Variants in CSPP1 observed in about 807,000 individuals in gnomAD.
CSPP1 encodes the protein centrosome and spindle pole-associated protein 1.
A neutral mutation model predicts 164.4 loss-of-function variants in CSPP1; 126 were observed. The observed-to-expected ratio is 0.77, with a 90% CI of 0.66 to 0.89. The LOEUF (loss-of-function observed/expected upper bound fraction) is 0.89, where lower values mean the gene tolerates loss of function less well. Ranked by LOEUF, CSPP1 falls within the 40% of genes least tolerant of loss-of-function variation. The pLI is 0.00. For synonymous variants in CSPP1, 472 were observed against 476.7 expected (o/e 0.99, Z 0.13); for missense variants, 1,395 against 1,449.8 (o/e 0.96, Z 0.61).
At chr8:67,092,306 A>G (rs184024239) in intron 5 of CSPP1, among the ~76,000 whole-genome samples, 126 of 152,368 alleles carry the variant, frequency 8.3e-4, no homozygotes, top group African/African-American at 2.1e-3. Context: ...ATACACGTCC[A>G]TATTCCTTAG....
chr8:67,108,009 TGGCTCAGAATA>T (rs1815983460), intron 9 of CSPP1, among the ~76,000 whole-genome samples: 12 of 99,528 alleles, frequency 1.2e-4, no homozygotes, highest in African/African-American at 4.3e-4. Context: ...TTTGTTTGGG[TGGCTCAGAATA>T]TAGTCTGTCT....
At chr8:67,191,202 C>A (rs545181762) in intron 29 of CSPP1, among the ~76,000 whole-genome samples, 21 of 152,346 alleles carry the variant, frequency 1.4e-4, no homozygotes, top group African/African-American at 5.1e-4. Context: ...TGCTCCCCAG[C>A]TTTACAATAT....
At chr8:67,084,017 A>G (rs1809868702) in intron 3 of CSPP1, 1 of 152,194 alleles carries the variant, frequency 6.6e-6, no homozygotes, top group Admixed American at 6.6e-5. Flanking sequence ...ATAAAATTGA[A>G]TAGCGCATGG....
chr8:67,093,733 C>CT (rs1204626657), intron 6 of CSPP1, 92 bp downstream of exon 6: 46 of 706,214 alleles, frequency 6.5e-5, no homozygotes, highest in South Asian at 2.2e-4. Context: ...AGACATTTTA[C>CT]TTTTTTTTGT....
Position 67,193,492 on chromosome 8 carries a change from A to G in CSPP1, c.3359A>G (p.Asp1120Gly), listed in dbSNP as rs1837001231. Residue 1120 changes from aspartate to glycine, a missense_variant, in exon 30 of 31, where the codon GAT becomes GGT. Physicochemically the swap from Asp to Gly is moderately conservative, Grantham distance 94. Transcript: ENST00000678616. Reference sequence around the variant, plus strand: ...AGCAGTCGTCCTAATGTAGCACCAGATGGTCTCTCTCTAAAATCTATATCC... The same window carrying G: ...AGCAGTCGTCCTAATGTAGCACCAGGTGGTCTCTCTCTAAAATCTATATCC... The part of the protein sequence containing the change: ...IDSSRPNVAP[D>G]GLSLKSISSV... The G allele has an allele frequency of 1.2e-6, 2 of 1,613,548 alleles. No individual in the cohort carries two copies. The highest frequency in any genetic ancestry group is 2.2e-5 in the East Asian group (1 of 44,874).
intron 24 of CSPP1, among the ~76,000 whole-genome samples, chr8:67,165,713 C>T (rs187515784): frequency 1.8e-3 from 270 of 152,308 alleles, no homozygotes; most frequent in Non-Finnish European, 2.5e-3. Context: ...GACATCACAT[C>T]ATCACATTGT....
chr8:67,108,071 G>A (rs539748217), intron 9 of CSPP1, among the ~76,000 whole-genome samples: 1 of 148,172 alleles, frequency 6.7e-6, no homozygotes, highest in African/African-American at 2.5e-5. Context: ...TGTGCATGGT[G>A]CAGTTGTTGA....
chr8:67,104,075 G>T (rs1814798037), intron 8 of CSPP1, among the ~76,000 whole-genome samples: 1 of 151,988 alleles, frequency 6.6e-6, no homozygotes, highest in African/African-American at 2.4e-5. Context: ...CGTACATAAG[G>T]ATAAATGATT....
At chr8:67,180,369 A>G (rs1250385343) in intron 28 of CSPP1, among the ~76,000 whole-genome samples, 2 of 152,238 alleles carry the variant, frequency 1.3e-5, no homozygotes, top group South Asian at 2.1e-4. Context: ...TTCAATTTAC[A>G]TAACATTTTT....
chr8:67,156,818 A>C (rs562219373), intron 19 of CSPP1, among the ~76,000 whole-genome samples: 20 of 152,334 alleles, frequency 1.3e-4, no homozygotes, highest in Admixed American at 4.6e-4. Context: ...GACATTTTTA[A>C]CCACAGCTTT....
chr8:67,149,201 A>T (rs1181119291), intron 17 of CSPP1, among the ~76,000 whole-genome samples: 2 of 152,170 alleles, frequency 1.3e-5, no homozygotes, highest in African/African-American at 2.4e-5. Flanking sequence ...AGAGTGAATG[A>T]TCCATAGATA....
intron 27 of CSPP1, among the ~76,000 whole-genome samples, 198 bp from the exon 28 acceptor site, chr8:67,179,665 T>C (rs1377259627): frequency 5.3e-5 from 8 of 152,224 alleles, no homozygotes. Context: ...CTTCTGTTGC[T>C]ATCACCGTCT....
intron 24 of CSPP1, among the ~76,000 whole-genome samples, chr8:67,166,342 A>G (rs1829303925): frequency 6.6e-6 from 1 of 152,210 alleles, no homozygotes; most frequent in Admixed American, 6.5e-5. Flanking sequence ...AAATATAAAC[A>G]TATCTATAAT....
chr8:67,099,945 G>A (rs771486357), intron 7 of CSPP1, among the ~76,000 whole-genome samples: 2 of 151,952 alleles, frequency 1.3e-5, no homozygotes, highest in Non-Finnish European at 2.9e-5. Flanking sequence ...TATAAAATCT[G>A]TATTTGTAAA....
intron 18 of CSPP1, among the ~76,000 whole-genome samples, chr8:67,151,546 C>T (rs1825693452): frequency 6.6e-6 from 1 of 152,086 alleles, no homozygotes; most frequent in South Asian, 2.1e-4. Flanking sequence ...TCTAGCTTTG[C>T]ACACCAAGCA....
intron 9 of CSPP1, among the ~76,000 whole-genome samples, chr8:67,110,397 T>C (rs1333052939): frequency 6.6e-6 from 1 of 152,050 alleles, no homozygotes; most frequent in Non-Finnish European, 1.5e-5. Context: ...TTCTGACATG[T>C]TCCCTGAGAG....
intron 3 of CSPP1, among the ~76,000 whole-genome samples, chr8:67,076,984 A>C (rs537508284): frequency 9.6e-4 from 146 of 152,300 alleles, no homozygotes; most frequent in African/African-American, 3.4e-3. Flanking sequence ...GACTATTTTA[A>C]TTATTGATGA....
chr8:67,097,706 T>G (rs1813109505), intron 7 of CSPP1, among the ~76,000 whole-genome samples: 1 of 151,944 alleles, frequency 6.6e-6, no homozygotes, highest in Non-Finnish European at 1.5e-5. Flanking sequence ...TTTTTTAATC[T>G]ATTACTTTTA....
intron 9 of CSPP1, among the ~76,000 whole-genome samples, chr8:67,107,129 C>T (rs1325935034): frequency 6.6e-6 from 1 of 151,896 alleles, no homozygotes; most frequent in Non-Finnish European, 1.5e-5. Flanking sequence ...CTCACTGCAA[C>T]CTCCACCTCC....
Sources: gnomAD v4.1 joint callset for allele counts (sites outside exome capture counted in the v4.1 genomes callset) on GRCh38, gnomAD v4.1.1 for gene constraint, MANE v1.5 for transcripts, NCBI Gene and HGNC (gene_info 2026-07-23, HGNC 2026-07-21) for gene names.